Variants in DDX31 observed in about 807,000 individuals in gnomAD.
DDX31 encodes DEAD-box helicase 31.
Under a neutral mutation model 91.3 loss-of-function variants are expected in DDX31, and 70 were observed. The ratio of observed to expected loss-of-function variants is 0.77; its 90% CI spans 0.63 to 0.94. The LOEUF is 0.94. DDX31 is among the 40% of genes least tolerant of loss of function. The pLI, the probability that DDX31 is intolerant of heterozygous loss-of-function variation, is 0.00. For synonymous variants in DDX31, 362 were observed against 350.6 expected (o/e 1.03, Z -0.36); for missense variants, 902 against 925.0 (o/e 0.98, Z 0.32).
intron 17 of DDX31, among the ~76,000 whole-genome samples, chr9:132,621,918 C>T (rs1329583698): frequency 6.6e-6 from 1 of 150,754 alleles, no homozygotes. Flanking sequence ...ATGACACCTA[C>T]AACGTAGGAT....
chr9:132,667,653 C>T (rs1590117925), intron 1 of DDX31, among the ~76,000 whole-genome samples: 1 of 151,700 alleles, frequency 6.6e-6, no homozygotes, highest in African/African-American at 2.4e-5. Flanking sequence ...ACAAGGCCAC[C>T]GCAGACACCT....
chr9:132,657,856 C>T (rs306521), intron 6 of DDX31, among the ~76,000 whole-genome samples: 10,700 of 152,186 alleles, frequency 0.07, 486 homozygotes, highest in East Asian at 0.12. Context: ...TAACATGTTT[C>T]ACAACTAAAG....
intron 14 of DDX31, chr9:132,638,139 G>T (rs1833243035): frequency 7.2e-7 from 1 of 1,387,668 alleles, no homozygotes; most frequent in Non-Finnish European, 9.3e-7. Context: ...GCCCAGGGCG[G>T]GCTGCAGGTA....
chr9:132,594,479 G>T lies in DDX31; in HGVS notation c.*387C>A, dbSNP rs1830334125. The T allele has an allele frequency of 5.6e-6, 1 of 179,462 alleles. No homozygotes were observed. The highest frequency in any genetic ancestry group is 2.4e-5 in the African/African-American group (1 of 42,384). 11.1% of individuals were successfully genotyped at this position (179,462 alleles called of 1,614,324 possible). A position where few individuals can be genotyped will look rare whatever the true frequency, so the allele number is the denominator to read the frequency against. On this transcript the variant is annotated 3_prime_UTR_variant, in exon 20 of 20. Transcript: ENST00000372159. Reference sequence around the variant, plus strand: ...CGCTGATAGGCTGAAGCCAAGCTGTGAAACTTCAGAACACAGTTAAGGGCA... The same window carrying T: ...CGCTGATAGGCTGAAGCCAAGCTGTTAAACTTCAGAACACAGTTAAGGGCA...
At chr9:132,649,899 C>T (rs1260157116) in intron 9 of DDX31, among the ~76,000 whole-genome samples, 1 of 151,964 alleles carries the variant, frequency 6.6e-6, no homozygotes, top group Non-Finnish European at 1.5e-5. Context: ...ACAACAAAAC[C>T]CCAAACTCTT....
At chr9:132,610,885 G>A (rs1026849726) in intron 19 of DDX31, among the ~76,000 whole-genome samples, 1 of 152,164 alleles carries the variant, frequency 6.6e-6, no homozygotes, top group Non-Finnish European at 1.5e-5. Context: ...GAACGGAGCC[G>A]ACTTCAATCC....
At chr9:132,602,013 T>C (rs1371925410) in intron 19 of DDX31, among the ~76,000 whole-genome samples, 3 of 152,224 alleles carry the variant, frequency 2.0e-5, no homozygotes, top group Non-Finnish European at 2.9e-5. Flanking sequence ...TCCTCAGATA[T>C]GTGGCATATT....
intron 17 of DDX31, among the ~76,000 whole-genome samples, chr9:132,620,877 A>T (rs1249702805): frequency 6.6e-6 from 1 of 152,190 alleles, no homozygotes; most frequent in African/African-American, 2.4e-5. Context: ...TAATGAAGCT[A>T]ACTTCAACTA....
At chr9:132,639,160 C>T (rs1478786998) in intron 14 of DDX31, among the ~76,000 whole-genome samples, 1 of 152,142 alleles carries the variant, frequency 6.6e-6, no homozygotes, top group East Asian at 1.9e-4. Flanking sequence ...TCTATTACAG[C>T]GTGTGTGTCC....
intron 14 of DDX31, among the ~76,000 whole-genome samples, chr9:132,641,026 C>T (rs776465928): frequency 2.0e-5 from 3 of 152,084 alleles, no homozygotes; most frequent in South Asian, 4.1e-4. Flanking sequence ...GCCTCACACA[C>T]GAGAAATGAC....
intron 14 of DDX31, among the ~76,000 whole-genome samples, chr9:132,638,573 C>A (rs1395836150): frequency 6.6e-6 from 1 of 152,226 alleles, no homozygotes; most frequent in African/African-American, 2.4e-5. Context: ...GACTCCTCGT[C>A]TTTCACACAC....
intron 6 of DDX31, among the ~76,000 whole-genome samples, chr9:132,654,701 T>C (rs1834437102): frequency 6.6e-6 from 1 of 152,100 alleles, no homozygotes; most frequent in Non-Finnish European, 1.5e-5. Context: ...ATCCCAGCAC[T>C]ATGGGAGGCC....
chr9:132,650,168 G>A (rs12350617), intron 9 of DDX31, 66 bp downstream of exon 9: 3 of 1,496,768 alleles, frequency 2.0e-6, no homozygotes, highest in Non-Finnish European at 2.8e-6. Context: ...GAAGGACCCA[G>A]CCTTACTGAA....
intron 7 of DDX31, 38 bp from the exon 8 acceptor site, chr9:132,651,154 T>TC (rs749501546): frequency 5.9e-5 from 89 of 1,501,826 alleles, no homozygotes; most frequent in South Asian, 2.8e-4. Flanking sequence ...ATGAACAGGA[T>TC]CCCCCTTTTT....
At chr9:132,656,957 C>T (rs906791839) in intron 6 of DDX31, among the ~76,000 whole-genome samples, 1 of 152,178 alleles carries the variant, frequency 6.6e-6, no homozygotes, top group Non-Finnish European at 1.5e-5. Flanking sequence ...GGAAAAAAAT[C>T]AGTTACCTTT....
intron 14 of DDX31, among the ~76,000 whole-genome samples, chr9:132,633,570 A>G (rs1356354616): frequency 6.6e-6 from 1 of 152,162 alleles, no homozygotes; most frequent in African/African-American, 2.4e-5. Flanking sequence ...TGGAGACTCT[A>G]GGATATATTT....
chr9:132,649,201 C>G (rs1316283179), intron 9 of DDX31, among the ~76,000 whole-genome samples: 2 of 152,128 alleles, frequency 1.3e-5, no homozygotes, highest in Admixed American at 6.5e-5. Context: ...CTTGGCCTCC[C>G]TAAGTGCTAG....
chr9:132,632,239 TGTACACACACAC>T (rs1199052565), intron 14 of DDX31, 148 bp from the exon 15 acceptor site: 3,111 of 53,408 alleles, frequency 0.058, 514 homozygotes, highest in Non-Finnish European at 0.08. Context: ...GCCCAGTACG[TGTACACACACAC>T]ACACACACAC....
chr9:132,644,757 C>T (rs918980399), intron 13 of DDX31, among the ~76,000 whole-genome samples: 1 of 152,150 alleles, frequency 6.6e-6, no homozygotes, highest in Non-Finnish European at 1.5e-5. Flanking sequence ...AAAAACAAAA[C>T]CCCAAACCAT....
Sources: allele counts gnomAD v4.1 joint callset (sites outside exome capture counted in the v4.1 genomes callset), GRCh38; gene constraint gnomAD v4.1.1; transcripts MANE v1.5; gene names NCBI Gene and HGNC (gene_info 2026-07-23, HGNC 2026-07-21).